The following CCSER1 variants were observed in gnomAD, a reference collection of about 807,000 sequenced individuals.
CCSER1 encodes coiled-coil serine rich protein 1, also known as serine-rich coiled-coil domain-containing protein 1.
Under a neutral mutation model 82.0 loss-of-function variants are expected in CCSER1, and 41 were observed. That is an observed-to-expected ratio of 0.50 (90% confidence interval 0.39 to 0.65). CCSER1 has a LOEUF of 0.65. Among genes scored for constraint, CCSER1 ranks in the 30% least tolerant of loss-of-function variants. The probability of loss-of-function intolerance (pLI) is 0.00; values close to 1 mark genes in which losing one functional copy is unlikely to be tolerated. For synonymous variants in CCSER1, 414 were observed against 383.9 expected (o/e 1.08, Z -0.92); for missense variants, 1,119 against 1,064.2 (o/e 1.05, Z -0.72).
intron 10 of CCSER1, among the ~76,000 whole-genome samples, chr4:91,230,998 C>G (rs765247371): frequency 5.3e-5 from 8 of 151,888 alleles, no homozygotes; most frequent in Admixed American, 2.0e-4. Context: ...ATAAAACACT[C>G]ACATATTCCT....
At chr4:90,352,095 C>T (rs1293929411) in intron 3 of CCSER1, among the ~76,000 whole-genome samples, 6 of 152,026 alleles carry the variant, frequency 3.9e-5, no homozygotes, top group African/African-American at 1.4e-4. Flanking sequence ...GAGGCCGAGC[C>T]GAGCGGATCA....
chr4:90,613,301 T>A (rs955999), intron 5 of CCSER1, among the ~76,000 whole-genome samples: 1 of 151,932 alleles, frequency 6.6e-6, no homozygotes, highest in Non-Finnish European at 1.5e-5. Context: ...GAAGCAGGGC[T>A]AGCCTCATAA....
intron 10 of CCSER1, among the ~76,000 whole-genome samples, chr4:91,185,178 T>G (rs1734409157): frequency 6.6e-6 from 1 of 152,238 alleles, no homozygotes; most frequent in South Asian, 2.1e-4. Context: ...ATTTACCCAA[T>G]AAGCTGCTTT....
chr4:91,564,028 T>C (rs1260149303), intron 10 of CCSER1, among the ~76,000 whole-genome samples: 1 of 151,738 alleles, frequency 6.6e-6, no homozygotes, highest in African/African-American at 2.4e-5. Context: ...TTCTGCTCCT[T>C]TCCCTACTCC....
At chr4:90,592,854 T>A (rs576567923) in intron 5 of CCSER1, among the ~76,000 whole-genome samples, 1 of 152,274 alleles carries the variant, frequency 6.6e-6, no homozygotes, top group Admixed American at 6.5e-5. Flanking sequence ...AAGTTCAGAC[T>A]TCAAATTCTG....
chr4:90,653,276 G>C (rs142429756), intron 6 of CCSER1, among the ~76,000 whole-genome samples: 150 of 152,142 alleles, frequency 9.9e-4, no homozygotes, highest in African/African-American at 3.5e-3. Flanking sequence ...TTTATAAAAA[G>C]TGTATTTTAT....
intron 1 of CCSER1, among the ~76,000 whole-genome samples, chr4:90,213,528 A>C (rs982677527): frequency 6.6e-6 from 1 of 152,140 alleles, no homozygotes; most frequent in African/African-American, 2.4e-5. Context: ...AGGTGAGATC[A>C]CCTGGCAGAG....
intron 1 of CCSER1, among the ~76,000 whole-genome samples, chr4:90,230,351 C>T (rs962289729): frequency 2.0e-5 from 3 of 152,148 alleles, no homozygotes; most frequent in African/African-American, 7.2e-5. Flanking sequence ...GGAAACTGAA[C>T]AACCTGCTCC....
intron 3 of CCSER1, among the ~76,000 whole-genome samples, chr4:90,350,362 A>G (rs758827867): frequency 1.3e-5 from 2 of 152,130 alleles, no homozygotes; most frequent in Non-Finnish European, 2.9e-5. Context: ...TCCCATTACT[A>G]TGAGGAATAA....
intron 1 of CCSER1, among the ~76,000 whole-genome samples, chr4:90,248,344 A>G (rs1276161301): frequency 1.3e-5 from 2 of 152,194 alleles, no homozygotes; most frequent in Admixed American, 1.3e-4. Context: ...ATTTCTGATG[A>G]TAACTTCACA....
chr4:90,467,782 T>A (rs189026149), intron 4 of CCSER1, among the ~76,000 whole-genome samples: 1 of 152,302 alleles, frequency 6.6e-6, no homozygotes, highest in Non-Finnish European at 1.5e-5. Flanking sequence ...AACTTATTTA[T>A]GGTTCTATAA....
intron 6 of CCSER1, among the ~76,000 whole-genome samples, chr4:90,687,729 C>T (rs928491657): frequency 1.4e-4 from 22 of 152,028 alleles, no homozygotes; most frequent in African/African-American, 5.3e-4. Context: ...TCAAACCATA[C>T]AACAGCCACC....
intron 1 of CCSER1, among the ~76,000 whole-genome samples, chr4:90,189,101 C>T (rs947658583): frequency 1.3e-5 from 2 of 151,870 alleles, no homozygotes; most frequent in African/African-American, 2.4e-5. Flanking sequence ...TTTTTATGTA[C>T]AGGTCTGTAT....
At chr4:91,500,976 T>C (rs76770916) in intron 10 of CCSER1, among the ~76,000 whole-genome samples, 10,074 of 151,930 alleles carry the variant, frequency 0.066, 648 homozygotes, top group East Asian at 0.26. Context: ...TTTCTATACC[T>C]TTTATGTTTT....
At chr4:90,814,851 T>C (rs1758793918) in intron 7 of CCSER1, among the ~76,000 whole-genome samples, 1 of 152,144 alleles carries the variant, frequency 6.6e-6, no homozygotes, top group Non-Finnish European at 1.5e-5. Flanking sequence ...CCATTTTAGT[T>C]TCTAGGAAGC....
intron 1 of CCSER1, among the ~76,000 whole-genome samples, chr4:90,276,170 A>G (rs1727489074): frequency 1.3e-5 from 2 of 151,100 alleles, no homozygotes; most frequent in Admixed American, 6.6e-5. Flanking sequence ...CTCTAGCAGG[A>G]AAGACTTGAA....
intron 9 of CCSER1, among the ~76,000 whole-genome samples, chr4:91,005,832 C>A (rs1738454826): frequency 6.6e-6 from 1 of 152,098 alleles, no homozygotes; most frequent in Admixed American, 6.6e-5. Flanking sequence ...AATGATAGTT[C>A]TTTTCCAATG....
intron 8 of CCSER1, among the ~76,000 whole-genome samples, chr4:90,881,317 C>CAG (rs374153449): frequency 7.3e-5 from 11 of 150,216 alleles, no homozygotes; most frequent in East Asian, 1.9e-4. Flanking sequence ...GACAGACAGA[C>CAG]AGAGAGAGAG....
At chr4:91,427,627 GAGA>G in intron 10 of CCSER1, among the ~76,000 whole-genome samples, 1 of 152,086 alleles carries the variant, frequency 6.6e-6, no homozygotes, top group Middle Eastern at 3.2e-3. Context: ...CTGTGAAACT[GAGA>G]TGAAAATAAT....
Sources: allele counts gnomAD v4.1 joint callset (sites outside exome capture counted in the v4.1 genomes callset), GRCh38; gene constraint gnomAD v4.1.1; transcripts MANE v1.5; gene names NCBI Gene and HGNC (gene_info 2026-07-23, HGNC 2026-07-21).